The following NMBR variants were observed in gnomAD, a reference collection of about 807,000 sequenced individuals.
NMBR encodes the protein neuromedin-B receptor.
Under a neutral mutation model 20.5 loss-of-function variants are expected in NMBR, and 16 were observed. The ratio of observed to expected loss-of-function variants is 0.78; its 90% CI spans 0.53 to 1.19. The LOEUF is 1.19. NMBR is among the 50% of genes most tolerant of loss of function. NMBR has a pLI of 0.00. For missense variants in NMBR, 582 were observed against 499.1 expected (o/e 1.17, Z -1.58); for synonymous variants, 212 against 196.6 (o/e 1.08, Z -0.65).
chr6:142,096,228 CT>C (rs1461246895), intron 1 of NMBR, among the ~76,000 whole-genome samples: 1 of 152,068 alleles, frequency 6.6e-6, no homozygotes, highest in Non-Finnish European at 1.5e-5. Flanking sequence ...TTCTCTAGTT[CT>C]TTTAATTGTG....
intron 1 of NMBR, among the ~76,000 whole-genome samples, chr6:142,092,343 C>T (rs966570149): frequency 2.6e-5 from 4 of 151,996 alleles, no homozygotes; most frequent in African/African-American, 9.7e-5. Context: ...ACTGGGAAAA[C>T]TGTTGCACAG....
intron 1 of NMBR, among the ~76,000 whole-genome samples, chr6:142,090,881 T>C (rs937378823): frequency 7.9e-5 from 12 of 151,992 alleles, no homozygotes; most frequent in Non-Finnish European, 1.5e-4. Flanking sequence ...TTCTCCTCCT[T>C]GTGTCTGTGT....
Position 142,088,748 on chromosome 6 carries a change from C to T in NMBR, c.-90G>A, listed in dbSNP as rs998503712. On this transcript the variant is annotated 5_prime_UTR_variant, in exon 2 of 4. Transcript: ENST00000258042. ...CCACGATTTAGGTTTAATCGATGTC[C>T]CTCCCTCTCGCCCCTGCAAGTTTAC... is the stretch of plus-strand genomic sequence containing the variant. 23 of 1,180,108 alleles carry T rather than the reference C, an allele frequency of 1.9e-5. No homozygotes were observed. In the South Asian group the frequency reaches 2.8e-4, roughly 14 times the overall value. The allele number at this position is 1,180,108 out of a possible 1,614,324, so 73.1% of individuals were successfully genotyped here.
chr6:142,076,068 G>T lies in NMBR; in HGVS notation c.772-19C>A. The stretch of plus-strand genomic sequence containing the variant: ...TTTCCATCTGCAAATATAAGAAATT[G>T]ATCCCATTGGTTAAAGTGAAAATGG... On this transcript the variant is annotated intron_variant, in intron 3 of 3. Coordinates refer to ENST00000258042, the MANE Select transcript of NMBR (RefSeq NM_002511.4). 1 of 1,542,658 alleles carries T rather than the reference G, an allele frequency of 6.5e-7. No homozygotes were observed.
At chr6:142,110,977 C>T (rs1032978417) in intron 1 of NMBR, among the ~76,000 whole-genome samples, 1 of 152,156 alleles carries the variant, frequency 6.6e-6, no homozygotes, top group Non-Finnish European at 1.5e-5. Context: ...CGGTGGCTCA[C>T]ACCTGTAATG....
chr6:142,102,996 G>GTTAGCTTT (rs1270978010), intron 1 of NMBR, among the ~76,000 whole-genome samples: 1 of 152,138 alleles, frequency 6.6e-6, no homozygotes, highest in Non-Finnish European at 1.5e-5. Context: ...TCTGCTTCTG[G>GTTAGCTTT]GGAGGAACTT....
intron 2 of NMBR, among the ~76,000 whole-genome samples, chr6:142,084,153 A>C (rs1777156469): frequency 6.6e-6 from 1 of 152,204 alleles, no homozygotes; most frequent in Non-Finnish European, 1.5e-5. Flanking sequence ...CTGATGGAAA[A>C]GTCCTATGAA....
rs1286594526 is a variant in NMBR at position 142,104,186 on chromosome 6, C to A, written c.-663-14865G>T. On this transcript the variant is annotated intron_variant, in intron 1 of 3. Coordinates refer to ENST00000258042, the MANE Select transcript of NMBR (RefSeq NM_002511.4). ...AGCCACCACACCCAGCATAAATGGT[C>A]ATAGTTAAAGACACAACTGACAAGG... Among the ~76,000 whole-genome samples, 8 of 152,136 alleles carry A rather than the reference C, an allele frequency of 5.3e-5. No homozygotes were observed. The East Asian group carries it at 1.5e-3, about 29-fold the overall frequency.
At chr6:142,135,820 T>G (rs1465882820) in intron 1 of NMBR, among the ~76,000 whole-genome samples, 2 of 152,006 alleles carry the variant, frequency 1.3e-5, no homozygotes, top group East Asian at 3.9e-4. Flanking sequence ...ACAAAGGACA[T>G]GAACTCACCA....
At chr6:142,132,557 T>C (rs1778163449) in intron 1 of NMBR, among the ~76,000 whole-genome samples, 1 of 152,168 alleles carries the variant, frequency 6.6e-6, no homozygotes, top group East Asian at 1.9e-4. Context: ...TAGCAATACA[T>C]CAATAATATT....
chr6:142,108,500 G>C (rs945849537), intron 1 of NMBR, among the ~76,000 whole-genome samples: 2 of 152,152 alleles, frequency 1.3e-5, no homozygotes, highest in African/African-American at 4.8e-5. Flanking sequence ...AATCATGAGA[G>C]AAAAGGAAGC....
At chr6:142,134,632 C>T in intron 1 of NMBR, 3 of 686,600 alleles carry the variant, frequency 4.4e-6, no homozygotes. Flanking sequence ...TCTTCAAAAG[C>T]CTATCTACAC....
intron 1 of NMBR, among the ~76,000 whole-genome samples, chr6:142,139,285 C>CTCTG (rs1188018264): frequency 6.6e-6 from 1 of 152,162 alleles, no homozygotes; most frequent in Non-Finnish European, 1.5e-5. Context: ...TTTATTCTTA[C>CTCTG]TCTGATTCAT....
chr6:142,131,177 C>A (rs1198256301), intron 1 of NMBR, among the ~76,000 whole-genome samples: 2 of 152,150 alleles, frequency 1.3e-5, no homozygotes, highest in African/African-American at 2.4e-5. Context: ...AAATCCTGGA[C>A]TTCAATCTTA....
chr6:142,130,338 C>G (rs1384863316), intron 1 of NMBR, among the ~76,000 whole-genome samples: 1 of 151,752 alleles, frequency 6.6e-6, no homozygotes, highest in Non-Finnish European at 1.5e-5. Flanking sequence ...GTCTCCCTAG[C>G]CATAAAACTT....
intron 1 of NMBR, among the ~76,000 whole-genome samples, chr6:142,089,916 T>C (rs1315210921): frequency 6.6e-6 from 1 of 152,224 alleles, no homozygotes; most frequent in Non-Finnish European, 1.5e-5. Flanking sequence ...TACTTGAGTA[T>C]GTTCAGCTTT....
At chr6:142,123,313 C>A (rs1385491965) in intron 1 of NMBR, among the ~76,000 whole-genome samples, 4 of 151,834 alleles carry the variant, frequency 2.6e-5, no homozygotes, top group African/African-American at 9.7e-5. Flanking sequence ...CATGATAAAA[C>A]CAGGAGTTGC....
intron 1 of NMBR, among the ~76,000 whole-genome samples, chr6:142,143,378 G>A (rs1008654336): frequency 3.3e-5 from 5 of 152,128 alleles, no homozygotes; most frequent in Admixed American, 6.5e-5. Context: ...TCTGCCTCCC[G>A]GGTTCAAGCG....
In NMBR at chr6:142,092,601, A is replaced by C. The variant is rs186064241; in HGVS notation, c.-663-3280T>G. The stretch of plus-strand genomic sequence containing the variant: ...ACAGTAGTTTTTAGACACTGGCAGC[A>C]CAAAAGAGGCAGCACAAAACAGTGA... On this transcript the variant is annotated intron_variant, in intron 1 of 3. Transcript: ENST00000258042. 8.6e-4 allele frequency among the ~76,000 whole-genome samples: 131 copies of C among 152,288 alleles called. 1 individual carries two copies. The highest frequency in any genetic ancestry group is 2.6e-3 in the African/African-American group (109 of 41,574).
Sources: gnomAD v4.1 joint callset for allele counts (sites outside exome capture counted in the v4.1 genomes callset) on GRCh38, gnomAD v4.1.1 for gene constraint, MANE v1.5 for transcripts, NCBI Gene and HGNC (gene_info 2026-07-23, HGNC 2026-07-21) for gene names.